Variants in PTPRO observed in about 807,000 individuals in gnomAD.
The protein encoded by PTPRO is receptor-type tyrosine-protein phosphatase O.
PTPRO carries 62 observed loss-of-function variants against 145.2 expected under a neutral mutation model. The observed-to-expected ratio is 0.43, with a 90% CI of 0.35 to 0.53. The LOEUF is 0.53. Ranked by LOEUF, PTPRO falls within the 20% of genes least tolerant of loss-of-function variation. The pLI, the probability that PTPRO is intolerant of heterozygous loss-of-function variation, is 0.01. For missense variants in PTPRO, 1,345 were observed against 1,482.7 expected (o/e 0.91, Z 1.53); for synonymous variants, 565 against 514.7 (o/e 1.10, Z -1.32).
At chr12:15,532,149 A>G (rs1441299414) in intron 12 of PTPRO, among the ~76,000 whole-genome samples, 2 of 152,202 alleles carry the variant, frequency 1.3e-5, no homozygotes, top group Admixed American at 1.3e-4. Context: ...CCAAGACAAA[A>G]GCTAAGTTTT....
At chr12:15,459,468 C>T (rs577112421) in intron 1 of PTPRO, among the ~76,000 whole-genome samples, 1 of 152,274 alleles carries the variant, frequency 6.6e-6, no homozygotes, top group South Asian at 2.1e-4. Context: ...TGGGGGTTTC[C>T]TCCCAAGCAT....
At chr12:15,514,891 T>C in intron 7 of PTPRO, among the ~76,000 whole-genome samples, 1 of 152,008 alleles carries the variant, frequency 6.6e-6, no homozygotes, top group Non-Finnish European at 1.5e-5. Context: ...GCCTCCTGAG[T>C]AGCTGAGATT....
intron 2 of PTPRO, among the ~76,000 whole-genome samples, chr12:15,493,099 G>T (rs1942032331): frequency 6.6e-6 from 1 of 151,822 alleles, no homozygotes; most frequent in Non-Finnish European, 1.5e-5. Context: ...AGGTACAAGA[G>T]AAAAAAAGCG....
At chr12:15,456,666 C>T (rs1452425747) in intron 1 of PTPRO, among the ~76,000 whole-genome samples, 1 of 152,092 alleles carries the variant, frequency 6.6e-6, no homozygotes, top group East Asian at 1.9e-4. Flanking sequence ...TTCAGATTTT[C>T]TATTGCTCAG....
intron 7 of PTPRO, among the ~76,000 whole-genome samples, chr12:15,513,206 AAAGAAAG>A (rs1942500332): frequency 9.4e-6 from 1 of 106,346 alleles, no homozygotes; most frequent in Non-Finnish European, 1.8e-5. Context: ...AGAAAGAAAG[AAAGAAAG>A]AAAGAAAGAA....
intron 1 of PTPRO, among the ~76,000 whole-genome samples, chr12:15,325,513 A>AT: frequency 6.6e-6 from 1 of 152,182 alleles, no homozygotes; most frequent in Non-Finnish European, 1.5e-5. Context: ...GGTTATGAAA[A>AT]TTTTTATTTT....
intron 1 of PTPRO, among the ~76,000 whole-genome samples, chr12:15,437,858 T>A (rs1171785827): frequency 2.0e-5 from 3 of 152,186 alleles, no homozygotes; most frequent in African/African-American, 7.2e-5. Flanking sequence ...TCAGGGGACC[T>A]CCAGGCAGAC....
At chr12:15,554,744 C>CAA (rs1943573276) in intron 15 of PTPRO, among the ~76,000 whole-genome samples, 13 of 152,120 alleles carry the variant, frequency 8.5e-5, no homozygotes, top group Admixed American at 7.2e-4. Context: ...CCCACTGACT[C>CAA]ATATGTTAAT....
At chr12:15,450,420 C>T (rs1372155293) in intron 1 of PTPRO, among the ~76,000 whole-genome samples, 8 of 152,188 alleles carry the variant, frequency 5.3e-5, no homozygotes, top group Non-Finnish European at 1.0e-4. Context: ...TTATAGAAAG[C>T]TGTCGTTTTA....
At chr12:15,399,551 A>C (rs1939432237) in intron 1 of PTPRO, among the ~76,000 whole-genome samples, 1 of 152,166 alleles carries the variant, frequency 6.6e-6, no homozygotes, top group African/African-American at 2.4e-5. Context: ...GGCAGGGGCC[A>C]TTTCTGTTTT....
In PTPRO at chr12:15,477,504, A is replaced by T. The variant is rs550900971; in HGVS notation, c.76-6470A>T. On this transcript the variant is annotated intron_variant, in intron 1 of 26. Transcript: ENST00000281171. ...TACCCTAAAACTTAAAGTATAATTA[A>T]AAAAAAATGCATTGTATTCCCCACA... Among the ~76,000 whole-genome samples the T allele has an allele frequency of 8.2e-3, 1,218 of 148,496 alleles. 14 individuals are homozygous for T. The highest frequency in any genetic ancestry group is 0.029 in the African/African-American group (1,169 of 39,704).
chr12:15,497,902 C>G (rs1942140703), intron 3 of PTPRO, among the ~76,000 whole-genome samples: 2 of 151,996 alleles, frequency 1.3e-5, no homozygotes, highest in African/African-American at 4.8e-5. Context: ...TTGATGGGAA[C>G]CTTGAGGGGA....
intron 1 of PTPRO, among the ~76,000 whole-genome samples, chr12:15,405,507 T>C (rs147752491): frequency 2.6e-5 from 4 of 152,224 alleles, no homozygotes; most frequent in Admixed American, 1.3e-4. Context: ...TAGTTCCATA[T>C]GCCTTTGGTT....
intron 1 of PTPRO, among the ~76,000 whole-genome samples, chr12:15,431,524 T>C (rs557761472): frequency 4.1e-4 from 62 of 152,330 alleles, no homozygotes; most frequent in African/African-American, 1.4e-3. Context: ...TGCAACCAAA[T>C]TGCCAAACTA....
At chr12:15,420,149 A>G (rs1207594146) in intron 1 of PTPRO, among the ~76,000 whole-genome samples, 1 of 4,290 alleles carries the variant, frequency 2.3e-4, no homozygotes, top group Non-Finnish European at 7.5e-4. Context: ...TCCGACTCAG[A>G]AAAAAAAAAA....
chr12:15,551,417 G>T, intron 14 of PTPRO, 134 bp from the exon 15 acceptor site: 1 of 1,176,798 alleles, frequency 8.5e-7, no homozygotes, highest in African/African-American at 1.5e-5. Flanking sequence ...TGCTGGCTTG[G>T]GGAACATGAT....
intron 12 of PTPRO, among the ~76,000 whole-genome samples, chr12:15,546,011 G>C (rs1275953714): frequency 7.8e-6 from 1 of 128,170 alleles, no homozygotes; most frequent in African/African-American, 3.1e-5. Flanking sequence ...TGAGACCCCC[G>C]CCTCAAAAAA....
chr12:15,396,252 A>G (rs1163927842), intron 1 of PTPRO, among the ~76,000 whole-genome samples: 2 of 152,192 alleles, frequency 1.3e-5, no homozygotes, highest in Non-Finnish European at 2.9e-5. Flanking sequence ...TTGGGCATAT[A>G]TATTTGTGTT....
At chr12:15,357,027 G>A (rs934006884) in intron 1 of PTPRO, among the ~76,000 whole-genome samples, 7 of 152,156 alleles carry the variant, frequency 4.6e-5, no homozygotes, top group Admixed American at 3.9e-4. Flanking sequence ...TCACCTTGGT[G>A]ACAGCAGTTT....
Sources: gnomAD v4.1 joint callset for allele counts (sites outside exome capture counted in the v4.1 genomes callset) on GRCh38, gnomAD v4.1.1 for gene constraint, MANE v1.5 for transcripts, NCBI Gene and HGNC (gene_info 2026-07-23, HGNC 2026-07-21) for gene names.